The following RBM41 variants were observed in gnomAD, a reference collection of about 807,000 sequenced individuals.
The protein encoded by RBM41 is RNA binding motif protein 41, also known as RNA-binding protein 41.
Under a neutral mutation model 30.8 loss-of-function variants are expected in RBM41, and 14 were observed. That is an observed-to-expected ratio of 0.45 (90% CI 0.30 to 0.71). The LOEUF is 0.71. Among genes scored for constraint, RBM41 ranks in the 30% least tolerant of loss-of-function variants. The pLI, the probability that RBM41 is intolerant of heterozygous loss-of-function variation, is 0.08. For synonymous variants in RBM41, 120 were observed against 110.1 expected, an observed-to-expected ratio of 1.09 and a Z score of -0.56; for missense variants, 276 against 326.3, an observed-to-expected ratio of 0.85 and a Z score of 1.19.
intron 1 of RBM41, 32 bp from the exon 2 acceptor site, chrX:107,116,798 CG>C: frequency 8.6e-7 from 1 of 1,160,200 alleles, no homozygotes; most frequent in Non-Finnish European, 1.2e-6. Context: ...ATACAGAAAA[CG>C]GAAGAGACTG....
At chrX:107,057,308 T>A (rs894026803), downstream of RBM41, among the ~76,000 whole-genome samples, 4 of 112,213 alleles carry the variant, frequency 3.6e-5, no homozygotes, top group Admixed American at 3.8e-4. Context: ...ATGTTTGCAC[T>A]TTAAAAATAT....
At chrX:107,053,520 T>C in the RBM41 span, among the ~76,000 whole-genome samples, 1 of 112,962 alleles carries the variant, frequency 8.9e-6, no homozygotes, top group Non-Finnish European at 1.9e-5. Context: ...AGTTGTTCCA[T>C]TGTTCAGGAA....
At chrX:107,068,815 T>A (rs1434411670) in intron 7 of RBM41, among the ~76,000 whole-genome samples, 1 of 112,402 alleles carries the variant, frequency 8.9e-6, no homozygotes, top group East Asian at 2.8e-4. Flanking sequence ...GCAAATAATA[T>A]TTAGAAGACT....
intron 4 of RBM41, 134 bp downstream of exon 4, chrX:107,115,218 T>C: frequency 3.2e-6 from 2 of 624,735 alleles, no homozygotes; most frequent in Non-Finnish European, 5.1e-6. Context: ...TCTCTTATGG[T>C]ATTATACATT....
At chrX:107,085,579 T>C (rs1278698421) in intron 6 of RBM41, among the ~76,000 whole-genome samples, 1 of 111,801 alleles carries the variant, frequency 8.9e-6, no homozygotes, top group Non-Finnish European at 1.9e-5. Context: ...TCACCAATAC[T>C]TGGCATTGTC....
chrX:107,116,883 A>G (rs1924924526), intron 1 of RBM41, 117 bp from the exon 2 acceptor site: 1 of 693,827 alleles, frequency 1.4e-6, no homozygotes, highest in Admixed American at 3.6e-5. Flanking sequence ...CACTTCTCCA[A>G]CAATTCATTG....
chrX:107,112,979 T>C (rs763047802), intron 5 of RBM41: 26 of 273,107 alleles, frequency 9.5e-5, no homozygotes, highest in Non-Finnish European at 1.5e-4. Context: ...CTACATGATT[T>C]ACAATTCATA....
intron 1 of RBM41, among the ~76,000 whole-genome samples, chrX:107,117,435 A>G (rs1924968870): frequency 1.8e-5 from 2 of 111,831 alleles, no homozygotes; most frequent in African/African-American, 6.5e-5. Flanking sequence ...CTGAAATGGT[A>G]ATAGTGAAAA....
At chrX:107,060,183 T>C (rs1316189136), downstream of RBM41, among the ~76,000 whole-genome samples, 1 of 109,845 alleles carries the variant, frequency 9.1e-6, no homozygotes, top group Non-Finnish European at 1.9e-5. Context: ...TAAACATCCA[T>C]GCTGATATAA....
At chrX:107,076,316 CAAAT>C (rs55848548) in intron 6 of RBM41, among the ~76,000 whole-genome samples, 10,328 of 92,655 alleles carry the variant, frequency 0.11, 615 homozygotes, top group African/African-American at 0.18. Flanking sequence ...GACTCCGTCT[CAAAT>C]AAATAAATAA....
chrX:107,078,566 C>T (rs779262364), intron 6 of RBM41, among the ~76,000 whole-genome samples: 1 of 109,948 alleles, frequency 9.1e-6, no homozygotes, highest in South Asian at 3.9e-4. Context: ...CTTTGCAATA[C>T]CAATGTCAAA....
chrX:107,115,832 A>C (rs746334811), intron 3 of RBM41, 30 bp downstream of exon 3: 1 of 1,139,006 alleles, frequency 8.8e-7, no homozygotes, highest in South Asian at 2.2e-5. Context: ...GAGGAGAAAA[A>C]CCAACAAAAA....
At chrX:107,068,971 C>A (rs1320225044) in intron 7 of RBM41, among the ~76,000 whole-genome samples, 1 of 111,599 alleles carries the variant, frequency 9.0e-6, no homozygotes, top group Admixed American at 9.5e-5. Flanking sequence ...CTAATTATAA[C>A]TTGGACTAGA....
chrX:107,114,712 A>G (rs1195252045), intron 4 of RBM41: 1 of 111,382 alleles, frequency 9.0e-6, no homozygotes, highest in African/African-American at 3.3e-5. Context: ...TATCTCTCCA[A>G]CCAGACTATA....
At chrX:107,079,009 C>T (rs1045056300) in intron 6 of RBM41, among the ~76,000 whole-genome samples, 6 of 110,963 alleles carry the variant, frequency 5.4e-5, no homozygotes, top group African/African-American at 2.0e-4. Context: ...ATATTTCCTG[C>T]CCCAGTATTA....
chrX:107,118,670 G>A (rs1456692613), intron 1 of RBM41, 96 bp downstream of exon 1: 5 of 1,092,251 alleles, frequency 4.6e-6, no homozygotes, highest in African/African-American at 3.6e-5. Flanking sequence ...TCCTGAGAAC[G>A]TGCAATACCC....
chrX:107,103,338 A>G (rs1449587368), intron 5 of RBM41, among the ~76,000 whole-genome samples: 1 of 111,180 alleles, frequency 9.0e-6, no homozygotes. Context: ...CTTTTAAGAG[A>G]GCACTGTGAA....
At chrX:107,103,482 G>T (rs1923641571) in intron 5 of RBM41, among the ~76,000 whole-genome samples, 2 of 111,022 alleles carry the variant, frequency 1.8e-5, no homozygotes, top group Non-Finnish European at 3.8e-5. Flanking sequence ...TTCTCCTAGA[G>T]CCTGCAGAGA....
chrX:107,101,400 C>A (rs1923449293), intron 5 of RBM41, among the ~76,000 whole-genome samples: 1 of 111,336 alleles, frequency 9.0e-6, no homozygotes, highest in Non-Finnish European at 1.9e-5. Flanking sequence ...AAGAATATGA[C>A]CTTATTTGGA....
Sources: gnomAD v4.1 joint callset for allele counts (sites outside exome capture counted in the v4.1 genomes callset) on GRCh38, gnomAD v4.1.1 for gene constraint, MANE v1.5 for transcripts, NCBI Gene and HGNC (gene_info 2026-07-23, HGNC 2026-07-21) for gene names.